ZNF236: variants seen among roughly 807,000 people sequenced by gnomAD.
ZNF236 encodes the protein regulated by glucose.
Under a neutral mutation model 191.2 loss-of-function variants are expected in ZNF236, and 50 were observed. That is an observed-to-expected ratio of 0.26 (90% CI 0.21 to 0.33). ZNF236 has a LOEUF of 0.33. ZNF236 is among the 10% of genes least tolerant of loss of function. The probability of loss-of-function intolerance (pLI) is 1.00; values close to 1 mark genes in which losing one functional copy is unlikely to be tolerated. For synonymous variants in ZNF236, 907 were observed against 928.8 expected (o/e 0.98, Z 0.43); for missense variants, 1,754 against 2,374.5 (o/e 0.74, Z 5.43).
chr18:76,953,094 T>C (rs1968447155), intron 27 of ZNF236, among the ~76,000 whole-genome samples: 1 of 152,216 alleles, frequency 6.6e-6, no homozygotes, highest in Non-Finnish European at 1.5e-5. Context: ...TCTGACAAGA[T>C]GTGTACTCAC....
chr18:76,959,659 T>C, intron 28 of ZNF236, 28 bp from the exon 29 acceptor site: 1 of 1,579,478 alleles, frequency 6.3e-7, no homozygotes, highest in South Asian at 1.2e-5. Context: ...TTGATCTTGT[T>C]TCTTGGTTTC....
chr18:76,965,125 GACCTT>G (rs1302114350), intron 30 of ZNF236, among the ~76,000 whole-genome samples: 5 of 152,080 alleles, frequency 3.3e-5, no homozygotes, highest in Non-Finnish European at 7.4e-5. Context: ...TTAATTCGAA[GACCTT>G]GTCTTCGAGC....
Position 76,947,669 on chromosome 18 carries a change from C to T in ZNF236, c.4914+17C>T, listed in dbSNP as rs200905177. On this transcript the variant is annotated intron_variant, in intron 27 of 30. Coordinates refer to ENST00000320610, the MANE Select transcript of ZNF236 (RefSeq NM_001306089.2). ...GCCTACCAGGTACAGGATATTCCTT[C>T]ATTCACAGAGCTTTTGTCGCTTTTA... 5.6e-5 allele frequency: 90 copies of T among 1,611,194 alleles called. No individual in the cohort carries two copies. Among genetic ancestry groups the T allele is most frequent in the Non-Finnish European group, 6.8e-5 (80 of 1,178,522 alleles).
rs1394305427 is a variant in ZNF236, at chr18:76,970,308, G to T, written c.*1969G>T. On this transcript the variant is annotated 3_prime_UTR_variant, in exon 31 of 31. Coordinates refer to ENST00000320610, the MANE Select transcript of ZNF236 (RefSeq NM_001306089.2). ...CCTAATTGTATAGAAAGCTAGTTTG[G>T]TGAATTGTATTGGTTAATTGACTGT... 6.5e-6 allele frequency: 1 copy of T among 152,704 alleles called. No homozygotes were observed. The allele number at this position is 152,704 out of a possible 1,614,324, so 9.5% of individuals were successfully genotyped here. A position where few individuals can be genotyped will look rare whatever the true frequency, so the allele number is the denominator to read the frequency against.
chr18:76,879,703 C>T (rs1976822740), intron 7 of ZNF236, among the ~76,000 whole-genome samples: 1 of 152,208 alleles, frequency 6.6e-6, no homozygotes, highest in Admixed American at 6.5e-5. Flanking sequence ...TTCCTCCAGT[C>T]TCCTTGCAGG....
chr18:76,884,377 G>C (rs867682443), intron 9 of ZNF236, among the ~76,000 whole-genome samples: 1 of 151,212 alleles, frequency 6.6e-6, no homozygotes, highest in African/African-American at 2.4e-5. Flanking sequence ...CTCCAGCCCC[G>C]GCGACAGTGT....
intron 9 of ZNF236, chr18:76,886,223 T>G (rs1977051391): frequency 6.6e-6 from 1 of 152,276 alleles, no homozygotes; most frequent in Non-Finnish European, 1.5e-5. Flanking sequence ...CTATTGAGAA[T>G]ATCCTCAGTG....
In ZNF236 at chr18:76,908,411, C is replaced by G. The variant is rs780488590; in HGVS notation, c.2389C>G (p.Gln797Glu). 1 of 1,614,226 alleles carries G rather than the reference C, an allele frequency of 6.2e-7. No homozygotes were observed. The highest frequency in any genetic ancestry group is 8.5e-7 in the Non-Finnish European group (1 of 1,180,042). ...VDQQSMQAST[Q>E]MQVEIESDEL... ...CCAGCAGAGCATGCAGGCCTCCACT[C>G]AAATGCAGGTGGAGATCGAGAGCGA... The change falls in exon 14 of 31, where the codon CAA becomes GAA. Residue 797 changes from glutamine (Q) to glutamate (E), a missense_variant. Gln to Glu is a conservative substitution (Grantham distance 29). Around this residue, in one of 5 missense-constraint regions of ZNF236, gnomAD observed 641 missense variants for 869.6 expected, o/e 0.74. Transcript: ENST00000320610.
intron 5 of ZNF236, among the ~76,000 whole-genome samples, chr18:76,874,827 G>A (rs554628518): frequency 1.3e-5 from 2 of 152,356 alleles, no homozygotes; most frequent in African/African-American, 4.8e-5. Flanking sequence ...AGTGGGTAGA[G>A]GGAGCAAGAG....
chr18:76,926,927 A>G (rs1967712313), intron 22 of ZNF236, 110 bp from the exon 23 acceptor site: 3 of 1,272,956 alleles, frequency 2.4e-6, no homozygotes, highest in Admixed American at 2.3e-5. Flanking sequence ...TTGTATTGAC[A>G]TAATGTGTAC....
intron 3 of ZNF236, among the ~76,000 whole-genome samples, chr18:76,862,155 G>A (rs59405145): frequency 0.34 from 51,672 of 151,998 alleles, 9,139 homozygotes; most frequent in East Asian, 0.51. Context: ...GAGCCACCCT[G>A]CCCGGCCTGG....
chr18:76,855,941 A>G (rs546297287), intron 3 of ZNF236, among the ~76,000 whole-genome samples: 1 of 152,204 alleles, frequency 6.6e-6, no homozygotes, highest in African/African-American at 2.4e-5. Flanking sequence ...AGGTCAAAGG[A>G]TATGTGAATT....
intron 3 of ZNF236, among the ~76,000 whole-genome samples, chr18:76,862,970 A>G (rs904403370): frequency 6.6e-6 from 1 of 152,268 alleles, no homozygotes; most frequent in African/African-American, 2.4e-5. Flanking sequence ...AAAATGCTTT[A>G]TGAGTTTTGA....
chr18:76,952,170 C>T (rs1443454488), intron 27 of ZNF236, among the ~76,000 whole-genome samples: 2 of 152,144 alleles, frequency 1.3e-5, no homozygotes, highest in Admixed American at 6.5e-5. Flanking sequence ...TAGACTTGCT[C>T]GAAGCAGCCT....
intron 11 of ZNF236, among the ~76,000 whole-genome samples, chr18:76,904,155 T>C (rs1977676267): frequency 6.6e-6 from 1 of 151,564 alleles, no homozygotes; most frequent in Non-Finnish European, 1.5e-5. Context: ...TGTTAATTTA[T>C]AAATTAATTT....
At chr18:76,916,601 A>C (rs1967369873) in intron 19 of ZNF236, among the ~76,000 whole-genome samples, 1 of 152,230 alleles carries the variant, frequency 6.6e-6, no homozygotes, top group Admixed American at 6.5e-5. Context: ...ACTTCTTTTT[A>C]GGAAGTTCCA....
chr18:76,838,795 CAA>C (rs2122441957), intron 1 of ZNF236, among the ~76,000 whole-genome samples: 1 of 152,214 alleles, frequency 6.6e-6, no homozygotes, highest in African/African-American at 2.4e-5. Context: ...GAATTTTTCT[CAA>C]AGAGAACTCA....
intron 9 of ZNF236, among the ~76,000 whole-genome samples, chr18:76,891,712 A>AT (rs564745673): frequency 0.02 from 2,979 of 147,024 alleles, 35 homozygotes; most frequent in Middle Eastern, 0.028. Flanking sequence ...CTTTGATTTA[A>AT]TTTTTTTTTT....
intron 2 of ZNF236, among the ~76,000 whole-genome samples, chr18:76,850,846 C>T (rs942843794): frequency 1.3e-5 from 2 of 151,660 alleles, no homozygotes; most frequent in East Asian, 2.0e-4. Context: ...CAGGGTGATC[C>T]GCCTGCCTCA....
Sources: allele counts gnomAD v4.1 joint callset (sites outside exome capture counted in the v4.1 genomes callset), GRCh38; gene constraint gnomAD v4.1.1; regional missense constraint gnomAD v4.1.1; transcripts MANE v1.5; gene names NCBI Gene and HGNC (gene_info 2026-07-23, HGNC 2026-07-21).